Variants in NKAIN3 observed in about 807,000 individuals in gnomAD.
NKAIN3 encodes the protein sodium/potassium-transporting ATPase subunit beta-1-interacting protein 3.
A neutral mutation model predicts 30.2 loss-of-function variants in NKAIN3; 25 were observed. That is an observed-to-expected ratio of 0.83 (90% confidence interval 0.60 to 1.16). The LOEUF is 1.16. Ranked by LOEUF, NKAIN3 falls within the 50% of genes most tolerant of loss-of-function variation. NKAIN3 has a pLI of 0.00. For missense variants in NKAIN3, 225 were observed against 254.1 expected (o/e 0.89, Z 0.78); for synonymous variants, 91 against 89.6 (o/e 1.02, Z -0.09).
At chr8:62,785,633 A>C (rs1817491867) in intron 4 of NKAIN3, among the ~76,000 whole-genome samples, 2 of 152,142 alleles carry the variant, frequency 1.3e-5, no homozygotes, top group African/African-American at 4.8e-5. Flanking sequence ...TTTATATACT[A>C]TGACCTAGGG....
chr8:62,335,475 C>A (rs144174080), intron 1 of NKAIN3, among the ~76,000 whole-genome samples: 1 of 149,502 alleles, frequency 6.7e-6, no homozygotes, highest in African/African-American at 2.5e-5. Flanking sequence ...AAAAGAAAAT[C>A]TTATTCCATC....
chr8:62,450,218 A>AT (rs1472321631), intron 1 of NKAIN3, among the ~76,000 whole-genome samples: 29 of 152,200 alleles, frequency 1.9e-4, no homozygotes, highest in East Asian at 1.9e-4. Flanking sequence ...GTAGCTAGTT[A>AT]TTTTTTATTT....
intron 1 of NKAIN3, among the ~76,000 whole-genome samples, chr8:62,530,433 C>T (rs890706276): frequency 6.6e-6 from 1 of 152,082 alleles, no homozygotes; most frequent in Non-Finnish European, 1.5e-5. Context: ...CACACCCAGA[C>T]ACAGTGATAC....
chr8:62,763,221 CAAAAAAAAAAAAAAAAAAAAAA>C (rs55873861), intron 4 of NKAIN3, among the ~76,000 whole-genome samples: 6 of 47,162 alleles, frequency 1.3e-4, no homozygotes, highest in African/African-American at 1.8e-4. Context: ...GACTCCGTCT[CAAAAAAAAAAAAAAAAAAAAAA>C]AAAAAAAAAA....
chr8:62,313,399 TTC>T (rs1360166844), intron 1 of NKAIN3, among the ~76,000 whole-genome samples: 5 of 152,134 alleles, frequency 3.3e-5, no homozygotes. Context: ...CTATTTAGAA[TTC>T]TGTTTTTTCT....
At chr8:62,733,671 A>G (rs1300127934) in intron 3 of NKAIN3, among the ~76,000 whole-genome samples, 1 of 152,116 alleles carries the variant, frequency 6.6e-6, no homozygotes, top group Non-Finnish European at 1.5e-5. Context: ...TTTTTCTAAT[A>G]TTGCCTCCTA....
At chr8:62,311,210 A>G (rs1235975783) in intron 1 of NKAIN3, among the ~76,000 whole-genome samples, 2 of 150,676 alleles carry the variant, frequency 1.3e-5, no homozygotes, top group Non-Finnish European at 2.9e-5. Context: ...TATGTCTTCA[A>G]TTTAATATAG....
rs368738633 is a variant in NKAIN3, at chr8:62,786,274, AT to A, written c.471+39146del. Among the ~76,000 whole-genome samples, 974 of 152,278 alleles carry A rather than the reference AT, an allele frequency of 6.4e-3. 9 individuals carry two copies. The highest frequency in any genetic ancestry group is 0.022 in the African/African-American group (913 of 41,550). On this transcript the variant is annotated intron_variant, in intron 4 of 6. Coordinates refer to ENST00000623646, the MANE Select transcript of NKAIN3 (RefSeq NM_001304533.3). ...GAATAAATATTTGTGGAATAAATAA[AT>A]GACTAAATAACACATTTAACAGTAT...
At chr8:62,318,203 A>G (rs1318686722) in intron 1 of NKAIN3, among the ~76,000 whole-genome samples, 1 of 152,194 alleles carries the variant, frequency 6.6e-6, no homozygotes, top group Non-Finnish European at 1.5e-5. Flanking sequence ...TTTTCTAGAT[A>G]TGCAATCATG....
At chr8:62,902,191 C>T (rs1425270313) in intron 4 of NKAIN3, among the ~76,000 whole-genome samples, 1 of 152,168 alleles carries the variant, frequency 6.6e-6, no homozygotes, top group African/African-American at 2.4e-5. Context: ...ATTTGAGGAT[C>T]CATTGGCACA....
chr8:62,763,221 C>CAAAAAAAAAAAAAA lies in NKAIN3; in HGVS notation c.471+16119_471+16132dup, dbSNP rs55873861. The stretch of plus-strand genomic sequence containing the variant: ...GGGCAACAAGTGCGAGACTCCGTCT[C>CAAAAAAAAAAAAAA]AAAAAAAAAAAAAAAAAAAAAAAAA... On this transcript the variant is annotated intron_variant, in intron 4 of 6. Transcript: ENST00000623646. 1.5e-4 allele frequency among the ~76,000 whole-genome samples: 7 copies of CAAAAAAAAAAAAAA among 47,162 alleles called. 1 individual carries two copies. The highest frequency in any genetic ancestry group is 2.7e-4 in the Non-Finnish European group (6 of 22,076). The allele number at this position is 47,162 out of a possible 152,430, so 30.9% of individuals were successfully genotyped here. A position where few individuals can be genotyped will look rare whatever the true frequency, so the allele number is the denominator to read the frequency against.
chr8:62,949,917 C>T (rs1173269775), intron 5 of NKAIN3, among the ~76,000 whole-genome samples: 1 of 152,142 alleles, frequency 6.6e-6, no homozygotes, highest in Non-Finnish European at 1.5e-5. Flanking sequence ...TTCCAACCTT[C>T]CTTTTCTAAT....
chr8:62,501,665 C>T (rs189713562), intron 1 of NKAIN3, among the ~76,000 whole-genome samples: 1 of 152,138 alleles, frequency 6.6e-6, no homozygotes, highest in African/African-American at 2.4e-5. Flanking sequence ...GACCAAACAG[C>T]CTGCAATCTT....
chr8:62,325,100 A>G (rs1301070275), intron 1 of NKAIN3, among the ~76,000 whole-genome samples: 1 of 152,094 alleles, frequency 6.6e-6, no homozygotes, highest in Non-Finnish European at 1.5e-5. Context: ...TGTACACTGT[A>G]TCCAATAGGT....
chr8:62,379,084 C>T (rs1721983512), intron 1 of NKAIN3, among the ~76,000 whole-genome samples: 2 of 152,170 alleles, frequency 1.3e-5, no homozygotes, highest in Admixed American at 1.3e-4. Flanking sequence ...GGTTGTGAGA[C>T]TTGGAGTCAA....
chr8:62,855,872 C>T, intron 4 of NKAIN3: 1 of 773,480 alleles, frequency 1.3e-6, no homozygotes, highest in Non-Finnish European at 2.4e-6. Flanking sequence ...CCTGTGGCAC[C>T]AAAGCCACAA....
At chr8:62,680,215 T>TTGTAGCACTAAAC in intron 3 of NKAIN3, among the ~76,000 whole-genome samples, 3 of 152,294 alleles carry the variant, frequency 2.0e-5, no homozygotes, top group African/African-American at 7.2e-5. Context: ...TGGAACTGAA[T>TTGTAGCACTAAAC]TGTAGCACTA....
At chr8:62,766,922 C>A (rs542621036) in intron 4 of NKAIN3, among the ~76,000 whole-genome samples, 1 of 151,432 alleles carries the variant, frequency 6.6e-6, no homozygotes, top group African/African-American at 2.4e-5. Context: ...CCCCCGACCC[C>A]GGCGAGCATC....
intron 1 of NKAIN3, among the ~76,000 whole-genome samples, chr8:62,345,338 TATATA>T (rs1815906165): frequency 7.2e-5 from 1 of 13,868 alleles, no homozygotes; most frequent in Non-Finnish European, 3.0e-4. Flanking sequence ...CATATATGTA[TATATA>T]CACACATATA....
Sources: gnomAD v4.1 joint callset for allele counts (sites outside exome capture counted in the v4.1 genomes callset) on GRCh38, gnomAD v4.1.1 for gene constraint, MANE v1.5 for transcripts, NCBI Gene and HGNC (gene_info 2026-07-23, HGNC 2026-07-21) for gene names.